ITPR1: variants seen among roughly 807,000 people sequenced by gnomAD.
ITPR1 encodes the protein inositol 1,4,5-trisphosphate receptor type 1, also known as inositol 1,4,5-trisphosphate-gated calcium channel ITPR1.
Under a neutral mutation model 318.4 loss-of-function variants are expected in ITPR1, and 96 were observed. The observed-to-expected ratio is 0.30, with a 90% confidence interval of 0.26 to 0.36. The LOEUF is 0.36. ITPR1 is among the 10% of genes least tolerant of loss of function. The probability of loss-of-function intolerance (pLI) is 1.00; values close to 1 mark genes in which losing one functional copy is unlikely to be tolerated. For synonymous variants in ITPR1, 1,312 were observed against 1,289.9 expected, an observed-to-expected ratio of 1.02 and a Z score of -0.37; for missense variants, 2,440 against 3,460.2, an observed-to-expected ratio of 0.71 and a Z score of 7.40.
At chr3:4,785,400 T>C (rs753223853) in intron 51 of ITPR1, among the ~76,000 whole-genome samples, 31 of 152,234 alleles carry the variant, frequency 2.0e-4, no homozygotes, top group Non-Finnish European at 4.1e-4. Flanking sequence ...AATATCAGTG[T>C]TGAAACAAAG....
chr3:4,507,462 T>A (rs183386143), intron 2 of ITPR1, among the ~76,000 whole-genome samples: 3 of 152,170 alleles, frequency 2.0e-5, no homozygotes. Context: ...TATGAGATCT[T>A]TCTGTTCAGA....
intron 4 of ITPR1, among the ~76,000 whole-genome samples, chr3:4,544,793 A>T (rs1427593843): frequency 6.6e-6 from 1 of 152,134 alleles, no homozygotes; most frequent in Non-Finnish European, 1.5e-5. Flanking sequence ...TTTCATTGCA[A>T]CAACAACTTT....
chr3:4,722,726 G>T (rs911290169), intron 40 of ITPR1, among the ~76,000 whole-genome samples: 3 of 131,896 alleles, frequency 2.3e-5, no homozygotes, highest in African/African-American at 8.0e-5. Context: ...TACCATGTAT[G>T]GCCTGGCCCC....
rs574491959 is a variant in ITPR1 at position 4,795,023 on chromosome 3, T to C, written c.6809-42T>C. The stretch of plus-strand genomic sequence containing the variant: ...ACATTGCATTCCTGGCGTTCCGGCT[T>C]GGGGTCTCCAGCCTCACGCGGCTTT... On this transcript the variant is annotated intron_variant, in intron 52 of 61. Coordinates refer to ENST00000649015, the MANE Select transcript of ITPR1 (RefSeq NM_001378452.1). The C allele has an allele frequency of 5.2e-6, 8 of 1,542,394 alleles. No individual in the cohort carries two copies. In the South Asian group the frequency reaches 8.8e-5, roughly 17 times the overall value.
At chr3:4,657,062 C>A (rs1486235074) in intron 12 of ITPR1, among the ~76,000 whole-genome samples, 1 of 152,212 alleles carries the variant, frequency 6.6e-6, no homozygotes, top group Non-Finnish European at 1.5e-5. Flanking sequence ...AGATTTTCTT[C>A]GCTCTCAGCC....
chr3:4,729,957 G>T (rs1297861194), intron 42 of ITPR1, among the ~76,000 whole-genome samples: 1 of 147,590 alleles, frequency 6.8e-6, no homozygotes, highest in Non-Finnish European at 1.5e-5. Flanking sequence ...TCTGCAATCA[G>T]ATTTCTCAGC....
At chr3:4,811,841 CA>C (rs1230325406) in intron 56 of ITPR1, among the ~76,000 whole-genome samples, 1 of 152,142 alleles carries the variant, frequency 6.6e-6, no homozygotes, top group Non-Finnish European at 1.5e-5. Flanking sequence ...TAGAAACAGA[CA>C]TATATGGGAG....
chr3:4,722,976 A>T (rs1174649389), intron 40 of ITPR1, among the ~76,000 whole-genome samples: 1 of 152,122 alleles, frequency 6.6e-6, no homozygotes, highest in East Asian at 1.9e-4. Flanking sequence ...TGGTGAAACC[A>T]TGTCTCTACT....
At position 4,815,109 on chromosome 3, in the gene ITPR1, C is replaced by T. The variant is rs751560143; in HGVS notation, c.7758C>T (p.Ile2586=). The T allele has an allele frequency of 1.9e-6, 3 of 1,613,838 alleles. No individual in the cohort carries two copies. Among genetic ancestry groups the T allele is most frequent in the African/African-American group, 1.3e-5 (1 of 75,034 alleles). The part of the protein sequence containing the change: ...IYDLLFFFMV[I]IIVLNLIFGV... ...ACCTCTTGTTCTTCTTCATGGTCAT[C>T]ATCATTGTTCTTAACCTGATTTTTG... The change falls in exon 59 of 62, where the codon ATC becomes ATT. Residue 2586 remains isoleucine (I), a synonymous_variant. Coordinates refer to ENST00000649015, the MANE Select transcript of ITPR1 (RefSeq NM_001378452.1).
intron 52 of ITPR1, among the ~76,000 whole-genome samples, chr3:4,790,015 A>G (rs2047453514): frequency 6.6e-6 from 1 of 152,352 alleles, no homozygotes; most frequent in African/African-American, 2.4e-5. Flanking sequence ...AGACACATAC[A>G]CTGATACATT....
intron 2 of ITPR1, among the ~76,000 whole-genome samples, chr3:4,502,709 G>A (rs1357596989): frequency 6.6e-6 from 1 of 151,910 alleles, no homozygotes; most frequent in African/African-American, 2.4e-5. Flanking sequence ...GAAGTGCTGG[G>A]ATTACAGGCG....
At chr3:4,505,349 C>T (rs957521135) in intron 2 of ITPR1, among the ~76,000 whole-genome samples, 39 of 152,202 alleles carry the variant, frequency 2.6e-4, no homozygotes, top group African/African-American at 8.2e-4. Flanking sequence ...CAAGCCACCA[C>T]GCCTGGCTAA....
At position 4,639,218 on chromosome 3, in the gene ITPR1, C is replaced by A. The variant is rs1333301341; in HGVS notation, c.280-166C>A. On this transcript the variant is annotated intron_variant, in intron 5 of 61. Coordinates refer to ENST00000649015, the MANE Select transcript of ITPR1 (RefSeq NM_001378452.1). The stretch of plus-strand genomic sequence containing the variant: ...GCCAAGCAAAGGCGGAGTGGATGGG[C>A]TGTTTGAACCCCTTGGCTCATTTCT... Among the ~76,000 whole-genome samples the A allele has an allele frequency of 2.0e-4, 31 of 152,138 alleles. 1 individual carries two copies. Among genetic ancestry groups the A allele is most frequent in the Admixed American group, 2.0e-3 (31 of 15,270 alleles).
chr3:4,627,791 C>T lies in ITPR1; in HGVS notation c.192C>T (p.Asn64=). The change falls in exon 5 of 62, where the codon AAC becomes AAT. Residue 64 remains asparagine (N), a synonymous_variant. Transcript: ENST00000649015. ...RDCLFKLCPM[N]RYSAQKQFWK... The stretch of plus-strand genomic sequence containing the variant: ...GCCTCTTTAAGCTATGTCCCATGAA[C>T]CGCTACTCTGCCCAAAAGCAGTTCT... The T allele has an allele frequency of 1.2e-6, 2 of 1,613,430 alleles. No individual in the cohort carries two copies. The highest frequency in any genetic ancestry group is 1.7e-6 in the Non-Finnish European group (2 of 1,179,518).
chr3:4,635,337 A>G (rs763836400), intron 5 of ITPR1, among the ~76,000 whole-genome samples: 6 of 152,054 alleles, frequency 3.9e-5, no homozygotes, highest in East Asian at 1.9e-4. Flanking sequence ...TACTAATTCA[A>G]TATCTTTCTT....
chr3:4,673,107 G>T, intron 20 of ITPR1, 29 bp from the exon 21 acceptor site: 1 of 1,596,652 alleles, frequency 6.3e-7, no homozygotes. Context: ...TCTGGAGCGT[G>T]AGCTGTGTGC....
At position 4,627,794 on chromosome 3, in the gene ITPR1, C is replaced by G. The variant is rs563347395; in HGVS notation, c.195C>G (p.Arg65=). ...TCTTTAAGCTATGTCCCATGAACCGCTACTCTGCCCAAAAGCAGTTCTGGA... is the reference window on the plus strand; with the variant it reads ...TCTTTAAGCTATGTCCCATGAACCGGTACTCTGCCCAAAAGCAGTTCTGGA... The part of the protein sequence containing the change: ...DCLFKLCPMN[R]YSAQKQFWKA... The change falls in exon 5 of 62, where the codon CGC becomes CGG. Residue 65 remains arginine, a synonymous_variant. Transcript: ENST00000649015. 1,473 of 1,613,640 alleles carry G rather than the reference C, an allele frequency of 9.1e-4. 33 individuals carry two copies. The South Asian group carries it at 0.015, about 17-fold the overall frequency.
intron 40 of ITPR1, among the ~76,000 whole-genome samples, chr3:4,721,652 A>G (rs2125300465): frequency 6.6e-6 from 1 of 152,272 alleles, no homozygotes; most frequent in South Asian, 2.1e-4. Context: ...TTTGCTGATA[A>G]CTAGATCTAC....
chr3:4,768,411 A>G, intron 45 of ITPR1, 100 bp from the exon 46 acceptor site: 1 of 1,341,670 alleles, frequency 7.5e-7, no homozygotes, highest in Non-Finnish European at 1.0e-6. Context: ...GAACGTCTCT[A>G]GGAGATAAAG....
Sources: allele counts gnomAD v4.1 joint callset (sites outside exome capture counted in the v4.1 genomes callset), GRCh38; gene constraint gnomAD v4.1.1; transcripts MANE v1.5; gene names NCBI Gene and HGNC (gene_info 2026-07-23, HGNC 2026-07-21).